MRPS27: variants seen among roughly 807,000 people sequenced by gnomAD.
MRPS27 encodes the protein mitochondrial ribosomal protein S27, also known as small ribosomal subunit protein mS27.
A neutral mutation model predicts 48.9 loss-of-function variants in MRPS27; 43 were observed. The ratio of observed to expected loss-of-function variants is 0.88; its 90% CI spans 0.69 to 1.13. MRPS27 has a LOEUF of 1.13. Among genes scored for constraint, MRPS27 ranks in the 50% most tolerant of loss-of-function variants. The probability of loss-of-function intolerance (pLI) is 0.00; values close to 1 mark genes in which losing one functional copy is unlikely to be tolerated. For synonymous variants in MRPS27, 188 were observed against 171.9 expected (o/e 1.09, Z -0.73); for missense variants, 467 against 476.3 (o/e 0.98, Z 0.18).
chr5:72,244,740 A>C (rs756187841), intron 4 of MRPS27, among the ~76,000 whole-genome samples: 4 of 152,002 alleles, frequency 2.6e-5, no homozygotes. Context: ...GCTGATCTCA[A>C]ACTCCTGGCC....
In MRPS27 at chr5:72,281,598, TGTA is replaced by T. The variant is rs1749534769; in HGVS notation, c.281+13930_281+13932del. Among the ~76,000 whole-genome samples the T allele has an allele frequency of 7.2e-5, 11 of 152,302 alleles. No homozygotes were observed. The South Asian group carries it at 2.1e-3, about 29-fold the overall frequency. ...TTGGGACAGGCCTTAAAACACAGGC[TGTA>T]TTCTGTTAGAAAGAGACAGTGGGGA... is the stretch of plus-strand genomic sequence containing the variant. On this transcript the variant is annotated intron_variant, in intron 4 of 10. Transcript: ENST00000261413.
At chr5:72,300,682 T>C (rs1353456960) in intron 2 of MRPS27, among the ~76,000 whole-genome samples, 1 of 152,214 alleles carries the variant, frequency 6.6e-6, no homozygotes, top group Non-Finnish European at 1.5e-5. Flanking sequence ...CTACAGGCTC[T>C]AGATTTGAAA....
intron 1 of MRPS27, among the ~76,000 whole-genome samples, chr5:72,318,390 A>G (rs1361198897): frequency 2.0e-5 from 3 of 152,224 alleles, no homozygotes; most frequent in Non-Finnish European, 4.4e-5. Context: ...GTTATTCTCT[A>G]TGCCTTCATT....
chr5:72,297,944 G>C (rs975093432), intron 2 of MRPS27, among the ~76,000 whole-genome samples: 13 of 152,092 alleles, frequency 8.5e-5, no homozygotes, highest in Admixed American at 8.5e-4. Flanking sequence ...TAAAAAAATG[G>C]ATCAATTTGA....
chr5:72,258,762 T>C lies in MRPS27; in HGVS notation c.282-20634A>G, dbSNP rs144622168. Among the ~76,000 whole-genome samples, 515 of 152,320 alleles carry C rather than the reference T, an allele frequency of 3.4e-3. 1 individual carries two copies. Among genetic ancestry groups the C allele is most frequent in the African/African-American group, 0.011 (461 of 41,580 alleles). ...TTTTGGACTTCCCAGCCTCCAAAAC[T>C]GTGAGAAATAAATCTCTGTTATTGA... is the stretch of plus-strand genomic sequence containing the variant. On this transcript the variant is annotated intron_variant, in intron 4 of 10. Transcript: ENST00000261413.
At chr5:72,230,826 C>T (rs963738080) in intron 7 of MRPS27, among the ~76,000 whole-genome samples, 5 of 152,168 alleles carry the variant, frequency 3.3e-5, no homozygotes, top group African/African-American at 1.2e-4. Context: ...TGCATCCAGA[C>T]ATATGAGTCA....
At chr5:72,262,389 C>T (rs1749005726) in intron 4 of MRPS27, among the ~76,000 whole-genome samples, 1 of 151,952 alleles carries the variant, frequency 6.6e-6, no homozygotes, top group Admixed American at 6.6e-5. Flanking sequence ...CATCCCCTTC[C>T]CCAGAAAAAA....
At chr5:72,287,360 T>C (rs919584349) in intron 4 of MRPS27, among the ~76,000 whole-genome samples, 5 of 149,890 alleles carry the variant, frequency 3.3e-5, no homozygotes, top group Non-Finnish European at 7.4e-5. Context: ...TAAAAACAGG[T>C]TGGGTATGGT....
intron 4 of MRPS27, among the ~76,000 whole-genome samples, chr5:72,271,491 C>A (rs956925857): frequency 5.9e-5 from 9 of 152,172 alleles, no homozygotes; most frequent in Admixed American, 3.9e-4. Context: ...AAGAGTTAAA[C>A]CCCGTTCATG....
At chr5:72,247,018 C>A (rs1748526067) in intron 4 of MRPS27, among the ~76,000 whole-genome samples, 1 of 152,172 alleles carries the variant, frequency 6.6e-6, no homozygotes, top group Non-Finnish European at 1.5e-5. Flanking sequence ...CCTGAACTAG[C>A]TGTTTAACTT....
chr5:72,290,902 G>A lies in MRPS27; in HGVS notation c.281+4629C>T, dbSNP rs890411581. 7.2e-5 allele frequency among the ~76,000 whole-genome samples: 11 copies of A among 152,198 alleles called. No homozygotes were observed. In the East Asian group the frequency reaches 1.7e-3, roughly 24 times the overall value. On this transcript the variant is annotated intron_variant, in intron 4 of 10. Transcript: ENST00000261413. ...CTGTTCTGTTACCTCTCTTTTCTGC[G>A]TCACAGAACCTTTGCTGCTACCACT...
At chr5:72,306,857 GAA>G (rs1750282919) in intron 2 of MRPS27, among the ~76,000 whole-genome samples, 1 of 152,206 alleles carries the variant, frequency 6.6e-6, no homozygotes, top group Non-Finnish European at 1.5e-5. Flanking sequence ...GGGAGTTGAT[GAA>G]ACAACACTGG....
At chr5:72,257,397 C>T (rs1410123114) in intron 4 of MRPS27, among the ~76,000 whole-genome samples, 1 of 152,126 alleles carries the variant, frequency 6.6e-6, no homozygotes, top group Non-Finnish European at 1.5e-5. Context: ...TTCCTTCCTC[C>T]CTAGCTGGTA....
chr5:72,276,256 G>C (rs1352489075), intron 4 of MRPS27, among the ~76,000 whole-genome samples: 1 of 152,080 alleles, frequency 6.6e-6, no homozygotes, highest in African/African-American at 2.4e-5. Context: ...TCAGAAATAA[G>C]ATCACACATC....
chr5:72,290,177 T>C (rs1367952278), intron 4 of MRPS27, among the ~76,000 whole-genome samples: 1 of 152,210 alleles, frequency 6.6e-6, no homozygotes, highest in Non-Finnish European at 1.5e-5. Flanking sequence ...TTGGGCAGTA[T>C]ACATTGGGCA....
At chr5:72,292,130 CT>C (rs1749837422) in intron 4 of MRPS27, among the ~76,000 whole-genome samples, 1 of 146,410 alleles carries the variant, frequency 6.8e-6, no homozygotes, top group South Asian at 2.2e-4. Context: ...GTTTATTTTA[CT>C]TTGTTTTAAC....
At chr5:72,255,316 G>C (rs1748772058) in intron 4 of MRPS27, among the ~76,000 whole-genome samples, 1 of 152,126 alleles carries the variant, frequency 6.6e-6, no homozygotes, top group East Asian at 1.9e-4. Context: ...CTCCCTAAGT[G>C]CTAGGATTAC....
chr5:72,320,185 C>A lies in MRPS27; in HGVS notation c.37G>T (p.Ala13Ser), dbSNP rs371610283. The change falls in exon 1 of 11, where the codon GCG (alanine) becomes TCG (serine). Residue 13 changes from alanine to serine, a missense_variant. Ala to Ser is a moderately conservative substitution (Grantham distance 99). Transcript: ENST00000261413. ...ASIVRRGMLL[A>S]RQVVLPQLSP... ...AGCTGAGGAAGAACCACTTGCCGCG[C>A]CAGGAGCATCCCGCGCCGCACTATG... 24 of 1,613,886 alleles carry A rather than the reference C, an allele frequency of 1.5e-5. No individual in the cohort carries two copies. Among genetic ancestry groups the A allele is most frequent in the African/African-American group, 2.7e-5 (2 of 74,914 alleles).
intron 4 of MRPS27, among the ~76,000 whole-genome samples, chr5:72,265,553 TG>T (rs2112008649): frequency 6.6e-6 from 1 of 152,344 alleles, no homozygotes; most frequent in South Asian, 2.1e-4. Context: ...ATAAACAGTC[TG>T]GGCTATTCTC....
Sources: gnomAD v4.1 joint callset for allele counts (sites outside exome capture counted in the v4.1 genomes callset) on GRCh38, gnomAD v4.1.1 for gene constraint, MANE v1.5 for transcripts, NCBI Gene and HGNC (gene_info 2026-07-23, HGNC 2026-07-21) for gene names.